OPCML: variants seen among roughly 807,000 people sequenced by gnomAD.
OPCML encodes the protein opioid-binding protein/cell adhesion molecule.
A neutral mutation model predicts 37.8 loss-of-function variants in OPCML; 13 were observed. The ratio of observed to expected loss-of-function variants is 0.34; its 90% confidence interval spans 0.22 to 0.55. OPCML has a LOEUF of 0.55. Among genes scored for constraint, OPCML ranks in the 20% least tolerant of loss-of-function variants. The pLI, the probability that OPCML is intolerant of heterozygous loss-of-function variation, is 0.91. For missense variants in OPCML, 341 were observed against 435.6 expected (o/e 0.78, Z 1.93); for synonymous variants, 176 against 168.8 (o/e 1.04, Z -0.33).
chr11:132,992,143 A>G (rs987066965), intron 1 of OPCML, among the ~76,000 whole-genome samples: 2 of 152,122 alleles, frequency 1.3e-5, no homozygotes, highest in African/African-American at 4.8e-5. Flanking sequence ...AACAAGATAG[A>G]AGCAGAGTTA....
At chr11:133,408,304 T>C (rs1271493579) in intron 1 of OPCML, among the ~76,000 whole-genome samples, 1 of 152,202 alleles carries the variant, frequency 6.6e-6, no homozygotes, top group Non-Finnish European at 1.5e-5. Flanking sequence ...GTGACAGTGG[T>C]CACAATGGTG....
chr11:133,210,207 G>A (rs951390571), intron 1 of OPCML, among the ~76,000 whole-genome samples: 6 of 152,204 alleles, frequency 3.9e-5, no homozygotes, highest in Non-Finnish European at 8.8e-5. Context: ...GGGATACACA[G>A]TAATTGGGCT....
intron 1 of OPCML, among the ~76,000 whole-genome samples, chr11:133,189,864 G>T (rs1293689951): frequency 6.6e-6 from 1 of 152,218 alleles, no homozygotes; most frequent in African/African-American, 2.4e-5. Context: ...ATCCCTGGAG[G>T]TTGCTTGCAG....
chr11:132,915,913 C>A (rs1415471080), intron 2 of OPCML, among the ~76,000 whole-genome samples: 1 of 152,138 alleles, frequency 6.6e-6, no homozygotes, highest in Non-Finnish European at 1.5e-5. Flanking sequence ...TACTGCTTAT[C>A]TTTTCTACAG....
chr11:133,024,761 C>T lies in OPCML; in HGVS notation c.62-81751G>A, dbSNP rs920639302. On this transcript the variant is annotated intron_variant, in intron 1 of 7. Coordinates refer to ENST00000524381, the MANE Select transcript of OPCML (RefSeq NM_001012393.5). ...GCTTTTGAATATGGGTTAATAAGGGCATTTTGTGGAAGACTTGGAGTGTAA... is the reference window on the plus strand; with the variant it reads ...GCTTTTGAATATGGGTTAATAAGGGTATTTTGTGGAAGACTTGGAGTGTAA... 14 of 978,608 alleles carry T rather than the reference C, an allele frequency of 1.4e-5. No homozygotes were observed. In the South Asian group the frequency reaches 3.8e-4, roughly 26 times the overall value. The allele number at this position is 978,608 out of a possible 1,614,324, so 60.6% of individuals were successfully genotyped here. A position where few individuals can be genotyped will look rare whatever the true frequency, so the allele number is the denominator to read the frequency against.
chr11:132,784,445 C>T (rs1255952464), intron 2 of OPCML, among the ~76,000 whole-genome samples: 1 of 152,112 alleles, frequency 6.6e-6, no homozygotes, highest in African/African-American at 2.4e-5. Context: ...CATTATAAAG[C>T]CCTTCCACTC....
chr11:133,466,657 T>C (rs115731987), intron 1 of OPCML, among the ~76,000 whole-genome samples: 3,393 of 152,332 alleles, frequency 0.022, 88 homozygotes, highest in South Asian at 0.086. Flanking sequence ...ATCTTTTTTC[T>C]CAGTTTAGAA....
chr11:133,099,315 T>C (rs1281968946), intron 1 of OPCML, among the ~76,000 whole-genome samples: 1 of 151,366 alleles, frequency 6.6e-6, no homozygotes, highest in Non-Finnish European at 1.5e-5. Flanking sequence ...CAGGCTGGAG[T>C]GCAGTGGCAC....
Position 133,439,526 on chromosome 11 carries a change from G to A in OPCML, c.61+92738C>T, listed in dbSNP as rs1388809482. 1.2e-5 allele frequency: 9 copies of A among 766,830 alleles called. No homozygotes were observed. The African/African-American group carries it at 1.5e-4, about 13-fold the overall frequency. 47.5% of individuals were successfully genotyped at this position (766,830 alleles called of 1,614,324 possible). A position where few individuals can be genotyped will look rare whatever the true frequency, so the allele number is the denominator to read the frequency against. On this transcript the variant is annotated intron_variant, in intron 1 of 7. Transcript: ENST00000524381. ...TCTGTCGCCCAGGCTGGAGTGCAGT[G>A]GCTCCATCTCTGCTCACTGCAAGCT...
At chr11:132,653,771 G>A (rs1941555240) in intron 3 of OPCML, among the ~76,000 whole-genome samples, 1 of 152,294 alleles carries the variant, frequency 6.6e-6, no homozygotes, top group African/African-American at 2.4e-5. Flanking sequence ...CCTTAGGCGT[G>A]CACTCCCTTC....
At chr11:133,121,206 AC>A (rs1949415207) in intron 1 of OPCML, among the ~76,000 whole-genome samples, 1 of 152,200 alleles carries the variant, frequency 6.6e-6, no homozygotes, top group Non-Finnish European at 1.5e-5. Context: ...GGCATGAGCC[AC>A]TGTTCTTGGC....
chr11:132,742,919 T>C (rs1207361696), intron 2 of OPCML, among the ~76,000 whole-genome samples: 1 of 152,072 alleles, frequency 6.6e-6, no homozygotes, highest in African/African-American at 2.4e-5. Flanking sequence ...CCTAGTTCCA[T>C]CCAAAACAGG....
intron 2 of OPCML, among the ~76,000 whole-genome samples, chr11:132,830,673 G>T (rs540818865): frequency 6.6e-6 from 1 of 152,164 alleles, no homozygotes; most frequent in South Asian, 2.1e-4. Context: ...AGATTCATTT[G>T]CAGAACATAA....
intron 1 of OPCML, among the ~76,000 whole-genome samples, chr11:133,243,867 G>A (rs1025911055): frequency 2.0e-5 from 3 of 152,238 alleles, no homozygotes; most frequent in African/African-American, 4.8e-5. Flanking sequence ...GGGACCTCTT[G>A]GAGCCAGGGT....
At chr11:133,057,566 C>G (rs907968383) in intron 1 of OPCML, among the ~76,000 whole-genome samples, 3 of 152,172 alleles carry the variant, frequency 2.0e-5, no homozygotes, top group Non-Finnish European at 4.4e-5. Flanking sequence ...AGTTTGAGGT[C>G]CTATCACCCA....
intron 1 of OPCML, among the ~76,000 whole-genome samples, chr11:133,233,334 CA>C (rs1940359987): frequency 6.6e-6 from 1 of 152,198 alleles, no homozygotes; most frequent in South Asian, 2.1e-4. Context: ...AACTGGGAAA[CA>C]TCAGATGTGG....
intron 2 of OPCML, among the ~76,000 whole-genome samples, chr11:132,921,342 G>C (rs1471938509): frequency 6.6e-6 from 1 of 150,610 alleles, no homozygotes. Context: ...TTGCACGTGT[G>C]TTAAATCCAG....
At chr11:132,902,020 C>T (rs1381496770) in intron 2 of OPCML, among the ~76,000 whole-genome samples, 4 of 152,184 alleles carry the variant, frequency 2.6e-5, no homozygotes, top group African/African-American at 9.7e-5. Context: ...TTCCTTTTTA[C>T]TCCAGCATAA....
chr11:132,984,290 A>G (rs1946644988), intron 1 of OPCML, among the ~76,000 whole-genome samples: 2 of 152,204 alleles, frequency 1.3e-5, no homozygotes, highest in Admixed American at 1.3e-4. Context: ...CTACTCGATA[A>G]TTATTCATTT....
Sources: gnomAD v4.1 joint callset for allele counts (sites outside exome capture counted in the v4.1 genomes callset) on GRCh38, gnomAD v4.1.1 for gene constraint, MANE v1.5 for transcripts, NCBI Gene and HGNC (gene_info 2026-07-23, HGNC 2026-07-21) for gene names.